Variants in TRPM1 observed in about 807,000 individuals in gnomAD.
The protein encoded by TRPM1 is TRPM1-203 APA Isoform, Intron 10.
In TRPM1, 113 loss-of-function variants were observed where a neutral mutation model predicts 149.4. The ratio of observed to expected loss-of-function variants is 0.76; its 90% CI spans 0.65 to 0.88. TRPM1 has a LOEUF of 0.88. TRPM1 is among the 40% of genes least tolerant of loss of function. The probability of loss-of-function intolerance (pLI) is 0.00; values close to 1 mark genes in which losing one functional copy is unlikely to be tolerated. For synonymous variants in TRPM1, 741 were observed against 759.5 expected, an observed-to-expected ratio of 0.98 and a Z score of 0.40; for missense variants, 1,976 against 2,038.7, an observed-to-expected ratio of 0.97 and a Z score of 0.59.
upstream of TRPM1, chr15:31,101,828 A>G (rs2035523843): frequency 3.3e-6 from 2 of 604,542 alleles, no homozygotes; most frequent in African/African-American, 2.0e-5. Flanking sequence ...CGATGGCCCC[A>G]TGACCTGACT....
intron 25 of TRPM1, among the ~76,000 whole-genome samples, chr15:31,027,792 T>C (rs1388732958): frequency 1.3e-5 from 2 of 152,218 alleles, no homozygotes; most frequent in Non-Finnish European, 2.9e-5. Context: ...GCTAAAATCA[T>C]TTTTTTCAAT....
chr15:31,157,299 G>A (rs2036390473), intron 1 of TRPM1, among the ~76,000 whole-genome samples: 1 of 152,144 alleles, frequency 6.6e-6, no homozygotes, highest in Admixed American at 6.5e-5. Context: ...TAAGTGCTGT[G>A]TAGTATTTCA....
At chr15:31,006,775 T>G (rs1388041998) in intron 27 of TRPM1, among the ~76,000 whole-genome samples, 2 of 152,236 alleles carry the variant, frequency 1.3e-5, no homozygotes, top group African/African-American at 2.4e-5. Context: ...GCATCCTTCT[T>G]GGCTATTGTT....
chr15:31,106,938 G>A (rs546964388), intron 1 of TRPM1, among the ~76,000 whole-genome samples: 92 of 152,234 alleles, frequency 6.0e-4, no homozygotes, highest in African/African-American at 2.1e-3. Context: ...AACAAAATAC[G>A]TTGTTACACT....
At chr15:31,088,945 G>A (rs968744264) in intron 1 of TRPM1, among the ~76,000 whole-genome samples, 2 of 152,140 alleles carry the variant, frequency 1.3e-5, no homozygotes, top group Non-Finnish European at 2.9e-5. Flanking sequence ...AGCTGCTGGC[G>A]CCTCTGTGAG....
chr15:31,142,524 C>A (rs988915674), intron 1 of TRPM1, among the ~76,000 whole-genome samples: 1 of 152,186 alleles, frequency 6.6e-6, no homozygotes, highest in African/African-American at 2.4e-5. Context: ...GGAAAACAGA[C>A]ACTCATCTCT....
At chr15:31,150,489 T>C (rs1303313701) in intron 1 of TRPM1, among the ~76,000 whole-genome samples, 1 of 147,202 alleles carries the variant, frequency 6.8e-6, no homozygotes, top group Non-Finnish European at 1.5e-5. Context: ...CAGGCTGGCG[T>C]GCAGTAGTGC....
At chr15:31,003,163 T>C in intron 27 of TRPM1, 93 bp from the exon 28 acceptor site, 1 of 1,124,712 alleles carries the variant, frequency 8.9e-7, no homozygotes, top group South Asian at 1.5e-5. Context: ...TTTTTCAGAA[T>C]TTTAATACAT....
chr15:31,047,902 C>T lies in TRPM1; in HGVS notation c.1610G>A (p.Arg537Lys), dbSNP rs1189242132. 6.2e-7 allele frequency: 1 copy of T among 1,613,522 alleles called. No individual in the cohort carries two copies. The highest frequency in any genetic ancestry group is 1.3e-5 in the African/African-American group (1 of 74,918). ...GPPNTLHLLV[R>K]DVKKSNLPPD... is the part of the protein sequence containing the mutation. ...CAGTAGACTGACCTTTTTCACATCCCTCACCAGCAGATGAAGTGTGTTTGG... is the reference window on the plus strand; with the variant it reads ...CAGTAGACTGACCTTTTTCACATCCTTCACCAGCAGATGAAGTGTGTTTGG... The change falls in exon 14 of 28, where the codon AGG becomes AAG. Residue 537 changes from arginine (R) to lysine (K), a missense_variant. Around this residue, in one of 3 missense-constraint regions of TRPM1, gnomAD observed 1,332 missense variants for 1,347.1 expected, o/e 0.99. Transcript: ENST00000256552.
chr15:31,089,078 T>C (rs894385393), intron 1 of TRPM1, among the ~76,000 whole-genome samples: 1 of 152,238 alleles, frequency 6.6e-6, no homozygotes, highest in Non-Finnish European at 1.5e-5. Context: ...TTTAATGCCA[T>C]ATTTTTAAAA....
At chr15:31,088,281 G>A (rs1459520969) in intron 1 of TRPM1, among the ~76,000 whole-genome samples, 3 of 152,204 alleles carry the variant, frequency 2.0e-5, no homozygotes, top group Admixed American at 6.5e-5. Flanking sequence ...GGCCAAATAA[G>A]GGAATAAAAG....
chr15:31,021,053 A>G (rs2032535115), intron 27 of TRPM1, among the ~76,000 whole-genome samples: 1 of 152,120 alleles, frequency 6.6e-6, no homozygotes, highest in East Asian at 1.9e-4. Flanking sequence ...GATCAGGAAC[A>G]AGGGTGTCAT....
At chr15:31,045,260 T>TC (rs546466746) in intron 16 of TRPM1, among the ~76,000 whole-genome samples, 186 of 152,350 alleles carry the variant, frequency 1.2e-3, no homozygotes, top group African/African-American at 4.3e-3. Flanking sequence ...AAAGAATGTT[T>TC]CCAAGAGTCA....
intron 1 of TRPM1, among the ~76,000 whole-genome samples, chr15:31,089,068 T>C (rs2035129653): frequency 6.6e-6 from 1 of 152,204 alleles, no homozygotes; most frequent in African/African-American, 2.4e-5. Flanking sequence ...ATAAGTAACA[T>C]TTAATGCCAT....
At position 31,028,414 on chromosome 15, in the gene TRPM1, C is replaced by A; in HGVS notation, c.3211G>T (p.Ala1071Ser). ...GCCATGAGTGCTGGAGTGAGCCAGG[C>A]GCCGGGGATACAGGGAGGAAGCCGC... ...GKRLPPCIPG[A>S]WLTPALMACY... The change falls in exon 25 of 28, where the codon GCC becomes TCC. Residue 1071 changes from alanine to serine, a missense_variant. Ala to Ser is a moderately conservative substitution (Grantham distance 99, BLOSUM62 1). This residue lies in a region of TRPM1 where 72 missense variants were observed against 112.7 expected (regional missense o/e 0.64). Coordinates refer to ENST00000256552, the MANE Select transcript of TRPM1 (RefSeq NM_001252024.2). 1 of 1,614,048 alleles carries A rather than the reference C, an allele frequency of 6.2e-7. No homozygotes were observed. Among genetic ancestry groups the A allele is most frequent in the South Asian group, 1.1e-5 (1 of 91,084 alleles).
chr15:31,108,237 T>G (rs1173457072), intron 1 of TRPM1, among the ~76,000 whole-genome samples: 2 of 152,206 alleles, frequency 1.3e-5, no homozygotes. Context: ...TAAAAATCCT[T>G]TTACACTTAT....
intron 1 of TRPM1, among the ~76,000 whole-genome samples, chr15:31,088,553 A>T (rs932372660): frequency 5.9e-5 from 9 of 152,214 alleles, no homozygotes. Flanking sequence ...ACTTGCTGCA[A>T]AAGTCTGCGG....
chr15:31,086,121 G>A (rs1051491890), intron 1 of TRPM1, among the ~76,000 whole-genome samples: 21 of 152,220 alleles, frequency 1.4e-4, no homozygotes, highest in African/African-American at 5.1e-4. Flanking sequence ...GCTGTCATAA[G>A]CAGATAACTC....
intron 18 of TRPM1, among the ~76,000 whole-genome samples, chr15:31,038,990 C>G (rs1223156101): frequency 1.3e-5 from 2 of 150,098 alleles, no homozygotes; most frequent in Non-Finnish European, 3.0e-5. Context: ...ACATGCTTCC[C>G]CTTTTTTTTT....
Sources: gnomAD v4.1 joint callset for allele counts (sites outside exome capture counted in the v4.1 genomes callset) on GRCh38, gnomAD v4.1.1 for gene constraint, gnomAD v4.1.1 regional missense constraint, MANE v1.5 for transcripts, NCBI Gene and HGNC (gene_info 2026-07-23, HGNC 2026-07-21) for gene names.